Variants in IRAG2 observed in about 807,000 individuals in gnomAD.
The protein encoded by IRAG2 is inositol 1,4,5-triphosphate receptor associated 2, also known as lymphoid restricted membrane protein.
IRAG2 carries 45 observed loss-of-function variants against 69.9 expected under a neutral mutation model. That is an observed-to-expected ratio of 0.64 (90% CI 0.51 to 0.83). The LOEUF (loss-of-function observed/expected upper bound fraction) is 0.83, where lower values mean the gene tolerates loss of function less well. IRAG2 is among the 40% of genes least tolerant of loss of function. The probability of loss-of-function intolerance (pLI) is 0.00; values close to 1 mark genes in which losing one functional copy is unlikely to be tolerated. For synonymous variants in IRAG2, 193 were observed against 202.4 expected, an observed-to-expected ratio of 0.95 and a Z score of 0.40; for missense variants, 520 against 587.0, an observed-to-expected ratio of 0.89 and a Z score of 1.18.
chr12:25,089,622 G>T lies in IRAG2; in HGVS notation c.382G>T (p.Val128Phe). 1 of 1,591,014 alleles carries T rather than the reference G, an allele frequency of 6.3e-7. No homozygotes were observed. Among genetic ancestry groups the T allele is most frequent in the South Asian group, 1.1e-5 (1 of 89,956 alleles). Reference protein sequence around the residue: ...KKEHASGDSVVSPLPVTTVKS... With the variant: ...KKEHASGDSVFSPLPVTTVKS... ...TTATTATATTTTAATAGACTCTGTG[G>T]TTTCCCCTCTTCCTGTAACCACTGT... Residue 128 changes from valine (V) to phenylalanine (F), a missense_variant, in exon 12 of 22, where the codon GTT (valine) becomes TTT (phenylalanine). Transcript: ENST00000556887.
intron 6 of IRAG2, chr12:25,075,923 G>A (rs955790960): frequency 2.0e-5 from 3 of 152,094 alleles, no homozygotes; most frequent in Non-Finnish European, 4.4e-5. Context: ...GTGCGTGCTG[G>A]TTATGTTCTG....
intron 8 of IRAG2, among the ~76,000 whole-genome samples, chr12:25,025,450 A>G (rs1944613204): frequency 6.6e-6 from 1 of 152,254 alleles, no homozygotes; most frequent in Admixed American, 6.5e-5. Flanking sequence ...CAAGAGCTGG[A>G]GGGTCCAGAC....
At chr12:25,055,597 C>T (rs902744068) in intron 1 of IRAG2, among the ~76,000 whole-genome samples, 4 of 152,176 alleles carry the variant, frequency 2.6e-5, no homozygotes, top group African/African-American at 9.7e-5. Flanking sequence ...CCTAATGCTA[C>T]ACCTCTCCTA....
At chr12:25,062,253 G>T (rs1221242898) in intron 2 of IRAG2, among the ~76,000 whole-genome samples, 2 of 151,990 alleles carry the variant, frequency 1.3e-5, no homozygotes, top group Non-Finnish European at 2.9e-5. Context: ...GGTGATATTT[G>T]CATGTATCTG....
At chr12:25,098,666 G>A (rs1314895403) in intron 15 of IRAG2, among the ~76,000 whole-genome samples, 4 of 152,140 alleles carry the variant, frequency 2.6e-5, no homozygotes, top group South Asian at 2.1e-4. Flanking sequence ...TTCTAGATGG[G>A]AATAATAACA....
At chr12:25,042,651 G>T (rs1187711822) in intron 16 of IRAG2, among the ~76,000 whole-genome samples, 1 of 152,048 alleles carries the variant, frequency 6.6e-6, no homozygotes, top group Non-Finnish European at 1.5e-5. Context: ...ACTTGTAGTG[G>T]AGATGGGGTT....
chr12:25,076,789 G>C (rs1313691263), intron 6 of IRAG2: 1 of 202,514 alleles, frequency 4.9e-6, no homozygotes, highest in East Asian at 1.9e-4. Context: ...AATTCTTATT[G>C]ATTTTTATGA....
chr12:25,012,644 G>A (rs1457155921), intron 3 of IRAG2, among the ~76,000 whole-genome samples: 2 of 152,022 alleles, frequency 1.3e-5, no homozygotes, highest in Non-Finnish European at 2.9e-5. Context: ...CCAGGCCAAC[G>A]TGGTGAAACC....
intron 9 of IRAG2, among the ~76,000 whole-genome samples, chr12:25,080,182 G>T (rs1184723694): frequency 6.6e-6 from 1 of 152,100 alleles, no homozygotes; most frequent in African/African-American, 2.4e-5. Context: ...AGAGGCAACA[G>T]AACTAACCAG....
intron 8 of IRAG2, chr12:25,024,037 C>A (rs77983275): frequency 0.042 from 20,093 of 477,694 alleles, 950 homozygotes; most frequent in East Asian, 0.2. Context: ...GGCCAGAGAG[C>A]AGGTTGACTT....
chr12:25,038,032 T>G, exon 16 of IRAG2: 1 of 398,926 alleles, frequency 2.5e-6, no homozygotes. Context: ...CTGAACATCT[T>G]GGGAAACCAC....
At chr12:25,004,521 A>T in exon 1 of IRAG2, 1 of 1,232,152 alleles carries the variant, frequency 8.1e-7, no homozygotes, top group Non-Finnish European at 1.0e-6. Context: ...TTGAAGAGGT[A>T]CTGAGGAAAA....
At chr12:25,017,292 G>C in exon 6 of IRAG2, 1 of 1,232,066 alleles carries the variant, frequency 8.1e-7, no homozygotes, top group Non-Finnish European at 1.0e-6. Context: ...CAGGTAAAAA[G>C]GTGAGCCACA....
intron 6 of IRAG2, among the ~76,000 whole-genome samples, chr12:25,019,296 T>C (rs1014321397): frequency 2.6e-5 from 4 of 152,216 alleles, no homozygotes; most frequent in African/African-American, 9.7e-5. Flanking sequence ...TTTTACACCC[T>C]ACCCTCTTGG....
At position 25,077,356 on chromosome 12, in the gene IRAG2, T is replaced by TATATATGAAATATATATATG. The variant is rs1946869749; in HGVS notation, c.25-1884_25-1883insATGAAATATATATATGATAT. On this transcript the variant is annotated intron_variant, in intron 6 of 21. Transcript: ENST00000556887. ...ATATATATGAAATATATATATGATA[T>TATATATGAAATATATATATG]ATATGATATATATGAAATATATATA... 1.9e-4 allele frequency among the ~76,000 whole-genome samples: 2 copies of TATATATGAAATATATATATG among 10,486 alleles called. 1 individual carries two copies. The highest frequency in any genetic ancestry group is 5.1e-4 in the Non-Finnish European group (2 of 3,916). The allele number at this position is 10,486 out of a possible 152,430, so 6.9% of individuals were successfully genotyped here. A position where few individuals can be genotyped will look rare whatever the true frequency, so the allele number is the denominator to read the frequency against.
At chr12:25,048,235 G>T (rs531177219), upstream of IRAG2, among the ~76,000 whole-genome samples, 1 of 152,042 alleles carries the variant, frequency 6.6e-6, no homozygotes, top group South Asian at 2.1e-4. Context: ...TTTCATGTTT[G>T]TTGGCCATGT....
chr12:25,042,025 G>A (rs996792604), intron 16 of IRAG2, among the ~76,000 whole-genome samples: 1 of 151,434 alleles, frequency 6.6e-6, no homozygotes, highest in Non-Finnish European at 1.5e-5. Flanking sequence ...ATACTGAGTT[G>A]AAATATAAAA....
chr12:25,076,282 G>A lies in IRAG2; in HGVS notation c.25-2962G>A, dbSNP rs539591284. On this transcript the variant is annotated intron_variant, in intron 6 of 21. Transcript: ENST00000556887. ...TTCCACAACAAGGTAGTATTAAATG[G>A]CTACTAAACATAGGCAATTTCTCCA... 6.6e-5 allele frequency: 23 copies of A among 347,106 alleles called. No individual in the cohort carries two copies. The South Asian group carries it at 2.6e-3, about 39-fold the overall frequency. 21.5% of individuals were successfully genotyped at this position (347,106 alleles called of 1,614,324 possible).
chr12:25,030,414 T>G (rs1944660043), intron 10 of IRAG2: 1 of 1,027,000 alleles, frequency 9.7e-7, no homozygotes, highest in Non-Finnish European at 1.2e-6. Context: ...TTTGACGGAG[T>G]CTTGCTCTGT....
Sources: allele counts gnomAD v4.1 joint callset (sites outside exome capture counted in the v4.1 genomes callset), GRCh38; gene constraint gnomAD v4.1.1; transcripts MANE v1.5; gene names NCBI Gene and HGNC (gene_info 2026-07-23, HGNC 2026-07-21).